The following RGS6 variants were observed in gnomAD, a reference collection of about 807,000 sequenced individuals.
RGS6 encodes the protein regulator of G protein signaling 6.
RGS6 carries 30 observed loss-of-function variants against 78.5 expected under a neutral mutation model. The ratio of observed to expected loss-of-function variants is 0.38; its 90% CI spans 0.29 to 0.52. The LOEUF (loss-of-function observed/expected upper bound fraction) is 0.52, where lower values mean the gene tolerates loss of function less well. RGS6 is among the 20% of genes least tolerant of loss of function. The pLI is 0.85. For synonymous variants in RGS6, 206 were observed against 206.0 expected (o/e 1.00, Z 0.00); for missense variants, 495 against 609.7 (o/e 0.81, Z 1.98).
At chr14:72,251,131 A>C (rs1288374678) in intron 2 of RGS6, among the ~76,000 whole-genome samples, 1 of 152,242 alleles carries the variant, frequency 6.6e-6, no homozygotes, top group African/African-American at 2.4e-5. Flanking sequence ...TAGTTTATAA[A>C]TGATTCTCTT....
chr14:72,447,426 A>G (rs1442039798), intron 3 of RGS6, among the ~76,000 whole-genome samples: 1 of 152,162 alleles, frequency 6.6e-6, no homozygotes, highest in Non-Finnish European at 1.5e-5. Flanking sequence ...CAAGCTGTCT[A>G]TCGGAAGATC....
chr14:71,968,221 G>A (rs2093629565), intron 2 of RGS6, among the ~76,000 whole-genome samples: 2 of 152,182 alleles, frequency 1.3e-5, no homozygotes, highest in African/African-American at 4.8e-5. Context: ...ATCATTTAGG[G>A]TGCTTTATAA....
intron 15 of RGS6, among the ~76,000 whole-genome samples, chr14:72,530,312 G>A (rs1258495930): frequency 6.6e-6 from 1 of 152,238 alleles, no homozygotes; most frequent in East Asian, 1.9e-4. Flanking sequence ...GGCTCTGTCA[G>A]CCAGAAAGAA....
chr14:72,373,919 T>C (rs2084045715), intron 3 of RGS6, among the ~76,000 whole-genome samples: 1 of 152,116 alleles, frequency 6.6e-6, no homozygotes, highest in Non-Finnish European at 1.5e-5. Context: ...ATAACAATCA[T>C]TTGATAGTCT....
the RGS6 span, among the ~76,000 whole-genome samples, chr14:71,907,110 G>A: frequency 3.9e-5 from 6 of 152,198 alleles, no homozygotes; most frequent in African/African-American, 1.2e-4. Flanking sequence ...CATGGTATTG[G>A]ATGTGGAGGA....
At chr14:72,193,814 A>G (rs780294570) in intron 2 of RGS6, among the ~76,000 whole-genome samples, 1 of 152,210 alleles carries the variant, frequency 6.6e-6, no homozygotes, top group African/African-American at 2.4e-5. Context: ...AGTCCAAGGC[A>G]AAGTGACTAT....
chr14:72,496,062 C>T (rs1316283303), intron 13 of RGS6, among the ~76,000 whole-genome samples: 58 of 152,290 alleles, frequency 3.8e-4, no homozygotes, highest in Middle Eastern at 3.4e-3. Flanking sequence ...TTTCTGGCTG[C>T]TTTTCCTGAA....
intron 2 of RGS6, among the ~76,000 whole-genome samples, chr14:71,992,542 G>A (rs1245603461): frequency 6.6e-6 from 1 of 152,124 alleles, no homozygotes; most frequent in Non-Finnish European, 1.5e-5. Flanking sequence ...GAGGGAACTC[G>A]GATAAAGAAC....
intron 2 of RGS6, among the ~76,000 whole-genome samples, chr14:72,213,816 A>G (rs914255052): frequency 1.3e-5 from 2 of 152,188 alleles, no homozygotes; most frequent in African/African-American, 4.8e-5. Flanking sequence ...GATCCTGTCC[A>G]TTTGGCGTAT....
At chr14:72,528,584 G>C (rs1956822908) in intron 15 of RGS6, among the ~76,000 whole-genome samples, 1 of 152,174 alleles carries the variant, frequency 6.6e-6, no homozygotes, top group African/African-American at 2.4e-5. Context: ...AGTTCTGCTT[G>C]TTCATAGTCA....
chr14:72,265,001 T>C lies in RGS6; in HGVS notation c.85-87094T>C, dbSNP rs191357621. On this transcript the variant is annotated intron_variant, in intron 2 of 17. Transcript: ENST00000553525. ...GCCAGGAGGGAGTTGGAGGAGGGGC[T>C]TAAAGGATTTTCTGGTAAATCCAAA... Among the ~76,000 whole-genome samples the C allele has an allele frequency of 2.5e-4, 38 of 152,278 alleles. No homozygotes were observed. In the East Asian group the frequency reaches 7.1e-3, roughly 29 times the overall value.
At chr14:72,078,639 A>T (rs1014628968) in intron 2 of RGS6, among the ~76,000 whole-genome samples, 2 of 152,046 alleles carry the variant, frequency 1.3e-5, no homozygotes, top group Admixed American at 1.3e-4. Flanking sequence ...GCTGGTCTCG[A>T]ATTCCTGACC....
At chr14:72,420,126 G>A (rs552696505) in intron 3 of RGS6, among the ~76,000 whole-genome samples, 12 of 152,326 alleles carry the variant, frequency 7.9e-5, no homozygotes, top group East Asian at 5.8e-4. Flanking sequence ...TACCAAGTTC[G>A]TGGCAGAAGT....
intron 2 of RGS6, among the ~76,000 whole-genome samples, chr14:72,259,987 A>G (rs1182947499): frequency 6.6e-6 from 1 of 151,962 alleles, no homozygotes; most frequent in Non-Finnish European, 1.5e-5. Context: ...CTTCCAAACT[A>G]ATCTCCTAGC....
chr14:72,528,701 A>G (rs1044858695), intron 15 of RGS6, among the ~76,000 whole-genome samples: 1 of 152,204 alleles, frequency 6.6e-6, no homozygotes, highest in Admixed American at 6.5e-5. Context: ...ATAAGGCAAG[A>G]CAAAATAAGA....
chr14:71,963,979 C>T (rs1365527466), intron 1 of RGS6, among the ~76,000 whole-genome samples: 1 of 151,180 alleles, frequency 6.6e-6, no homozygotes, highest in Non-Finnish European at 1.5e-5. Context: ...TTCCTACCAG[C>T]AATGTTTGAG....
At chr14:72,614,570 G>A in the RGS6 span, among the ~76,000 whole-genome samples, 1 of 151,960 alleles carries the variant, frequency 6.6e-6, no homozygotes, top group African/African-American at 2.4e-5. Context: ...CAAGGCTGCA[G>A]GCATGATCCA....
intron 2 of RGS6, among the ~76,000 whole-genome samples, chr14:72,132,874 A>G (rs1321124525): frequency 6.6e-6 from 1 of 150,614 alleles, no homozygotes; most frequent in Non-Finnish European, 1.5e-5. Context: ...TGATCTTAGT[A>G]TCTTTGGCAA....
the RGS6 span, among the ~76,000 whole-genome samples, chr14:72,580,807 G>T: frequency 0.01 from 1,595 of 152,290 alleles, 23 homozygotes; most frequent in African/African-American, 0.037. Context: ...ACCACAGTCA[G>T]AACTATTCAC....
Sources: allele counts gnomAD v4.1 joint callset (sites outside exome capture counted in the v4.1 genomes callset), GRCh38; gene constraint gnomAD v4.1.1; transcripts MANE v1.5; gene names NCBI Gene and HGNC (gene_info 2026-07-23, HGNC 2026-07-21).